Variants in CELSR1 observed in about 807,000 individuals in gnomAD.
CELSR1 encodes the protein cadherin EGF LAG seven-pass G-type receptor 1.
A neutral mutation model predicts 249.1 loss-of-function variants in CELSR1; 110 were observed. The ratio of observed to expected loss-of-function variants is 0.44; its 90% CI spans 0.38 to 0.52. The LOEUF is 0.52. Among genes scored for constraint, CELSR1 ranks in the 20% least tolerant of loss-of-function variants. CELSR1 has a pLI of 0.00. For synonymous variants in CELSR1, 2,113 were observed against 1,900.0 expected (o/e 1.11, Z -2.92); for missense variants, 4,109 against 4,296.4 (o/e 0.96, Z 1.22).
intron 1 of CELSR1, among the ~76,000 whole-genome samples, chr22:46,467,605 A>G (rs1046103339): frequency 2.0e-5 from 3 of 151,852 alleles, no homozygotes; most frequent in Non-Finnish European, 1.5e-5. Context: ...GGCAGATCAC[A>G]AGTTCAGGAG....
At chr22:46,523,229 T>C (rs2080703122) in intron 1 of CELSR1, among the ~76,000 whole-genome samples, 1 of 152,154 alleles carries the variant, frequency 6.6e-6, no homozygotes, top group African/African-American at 2.4e-5. Flanking sequence ...AAACAGACTA[T>C]TAAGAAAGAA....
chr22:46,370,101 A>G (rs1467294225), intron 25 of CELSR1: 1 of 512,658 alleles, frequency 2.0e-6, no homozygotes, highest in East Asian at 5.1e-5. Flanking sequence ...GGTGGCAGTG[A>G]GATGGTGCAG....
chr22:46,389,181 A>G (rs1310832163), intron 18 of CELSR1, 109 bp downstream of exon 18: 1 of 1,217,160 alleles, frequency 8.2e-7, no homozygotes, highest in Non-Finnish European at 1.2e-6. Flanking sequence ...GATCCTGGAC[A>G]CAACCGTCTT....
chr22:46,418,623 G>A (rs902877088), intron 5 of CELSR1, among the ~76,000 whole-genome samples: 2 of 152,212 alleles, frequency 1.3e-5, no homozygotes, highest in Non-Finnish European at 2.9e-5. Flanking sequence ...TCTTCTCCAG[G>A]AGCTAAGACG....
In CELSR1 at chr22:46,409,741, C is replaced by T. The variant is rs373046232; in HGVS notation, c.5059+14G>A. ...CCGCCGTGACCGGGGGGATGGACGACGCCGGCCACTCACCTTGCTCACAGT... is the reference window on the plus strand; with the variant it reads ...CCGCCGTGACCGGGGGGATGGACGATGCCGGCCACTCACCTTGCTCACAGT... On this transcript the variant is annotated intron_variant, in intron 8 of 34. Coordinates refer to ENST00000674500, the MANE Select transcript of CELSR1 (RefSeq NM_001378328.1). The surrounding 1 kb of genome is among the most constrained non-coding windows in gnomAD (Gnocchi z 9.8). 3.8e-5 allele frequency: 62 copies of T among 1,611,596 alleles called. No individual in the cohort carries two copies. Among genetic ancestry groups the T allele is most frequent in the Admixed American group, 1.0e-4 (6 of 60,012 alleles).
chr22:46,450,145 G>A (rs1203054706), intron 2 of CELSR1, among the ~76,000 whole-genome samples: 3 of 152,210 alleles, frequency 2.0e-5, no homozygotes, highest in African/African-American at 7.2e-5. Context: ...AATGGGTCAT[G>A]CACAGCAGTC....
In CELSR1 at chr22:46,534,569, C is replaced by A; in HGVS notation, c.2602G>T (p.Gly868Cys). Residue 868 changes from glycine (G) to cysteine (C), a missense_variant, in exon 1 of 35, where the codon GGC (glycine) becomes TGC (cysteine). By Grantham distance (159) the Gly-to-Cys change is radical. Around this residue, in one of 7 missense-constraint regions of CELSR1, gnomAD observed 886 missense variants for 896.5 expected, o/e 0.99. Transcript: ENST00000674500. This position sits in a 1 kb window ranked among gnomAD's most constrained non-coding sequence, Gnocchi z 9.7. ...GTGGTGTCTGATTTCTGCGGGATGC[C>A]GTTGTCCTGGGCCATGATGGTCAGC... ...YTLTIMAQDN[G>C]IPQKSDTTTL... is the part of the protein sequence containing the mutation. The A allele has an allele frequency of 6.2e-7, 1 of 1,613,690 alleles. No homozygotes were observed. Among genetic ancestry groups the A allele is most frequent in the Non-Finnish European group, 8.5e-7 (1 of 1,180,026 alleles).
chr22:46,378,767 A>G (rs1171869798), intron 22 of CELSR1, 50 bp from the exon 23 acceptor site: 5 of 1,582,838 alleles, frequency 3.2e-6, no homozygotes, highest in Admixed American at 1.7e-5. Context: ...CCCTCTGCCC[A>G]TGAGTCTGTA....
chr22:46,531,007 C>T (rs34128308), intron 1 of CELSR1, among the ~76,000 whole-genome samples: 6,973 of 152,232 alleles, frequency 0.046, 184 homozygotes, highest in South Asian at 0.1. Flanking sequence ...TTGAAACCAC[C>T]GCTTCCCCGC....
Position 46,445,737 on chromosome 22 carries a change from G to T in CELSR1, c.4184-6326C>A, listed in dbSNP as rs779171529. Among the ~76,000 whole-genome samples, 1 of 152,190 alleles carries T rather than the reference G, an allele frequency of 6.6e-6. No individual in the cohort carries two copies. The highest frequency in any genetic ancestry group is 2.4e-5 in the African/African-American group (1 of 41,452). On this transcript the variant is annotated intron_variant, in intron 2 of 34. Transcript: ENST00000674500. The surrounding 1 kb of genome is among the most constrained non-coding windows in gnomAD (Gnocchi z 4.4). ...CTAGCCTCTGCAAACCCGGTGCCCC[G>T]AGAGCAGCAGCGCCTGGCTGGCAGA...
At chr22:46,461,583 A>C (rs753380622) in intron 2 of CELSR1, among the ~76,000 whole-genome samples, 1 of 152,202 alleles carries the variant, frequency 6.6e-6, no homozygotes, top group Non-Finnish European at 1.5e-5. Context: ...ACAAAGCCAG[A>C]GGTGGTGGGT....
rs1223082627 is a variant in CELSR1 at position 46,526,295 on chromosome 22, T to A, written c.3544+7332A>T. Among the ~76,000 whole-genome samples the A allele has an allele frequency of 6.6e-6, 1 of 152,164 alleles. No individual in the cohort carries two copies. Among genetic ancestry groups the A allele is most frequent in the African/African-American group, 2.4e-5 (1 of 41,444 alleles). On this transcript the variant is annotated intron_variant, in intron 1 of 34. Transcript: ENST00000674500. The surrounding 1 kb of genome is among the most constrained non-coding windows in gnomAD (Gnocchi z 4.7). ...GGAGACAATGAGGAAGACCTGACAC[T>A]GCCCACTCCCAAAGCCCCTGAGACG...
In CELSR1 at chr22:46,512,963, C is replaced by T. The variant is rs2080589006; in HGVS notation, c.3544+20664G>A. Among the ~76,000 whole-genome samples, 2 of 152,242 alleles carry T rather than the reference C, an allele frequency of 1.3e-5. No homozygotes were observed. Among genetic ancestry groups the T allele is most frequent in the African/African-American group, 4.8e-5 (2 of 41,458 alleles). On this transcript the variant is annotated intron_variant, in intron 1 of 34. Coordinates refer to ENST00000674500, the MANE Select transcript of CELSR1 (RefSeq NM_001378328.1). This position sits in a 1 kb window ranked among gnomAD's most constrained non-coding sequence, Gnocchi z 5.2. ...CCAGGCTGGGCCTCTGTGCTACTCA[C>T]GCACTGCTGCTGACCTCATCTGTCC...
In CELSR1 at chr22:46,512,467, A is replaced by C. The variant is rs973908863; in HGVS notation, c.3544+21160T>G. Among the ~76,000 whole-genome samples the C allele has an allele frequency of 2.0e-5, 3 of 152,108 alleles. No individual in the cohort carries two copies. The highest frequency in any genetic ancestry group is 4.8e-5 in the African/African-American group (2 of 41,404). On this transcript the variant is annotated intron_variant, in intron 1 of 34. Coordinates refer to ENST00000674500, the MANE Select transcript of CELSR1 (RefSeq NM_001378328.1). The surrounding 1 kb of genome is among the most constrained non-coding windows in gnomAD (Gnocchi z 5.2). The stretch of plus-strand genomic sequence containing the variant: ...TACACCTATAATCCCAGCTACGTAG[A>C]AGGCTGAGGCACGAGAATTGCTTGA...
rs897663609 is a variant in CELSR1 at position 46,472,330 on chromosome 22, C to T, written c.3545-7985G>A. Among the ~76,000 whole-genome samples the T allele has an allele frequency of 6.6e-6, 1 of 152,194 alleles. No homozygotes were observed. Among genetic ancestry groups the T allele is most frequent in the African/African-American group, 2.4e-5 (1 of 41,448 alleles). ...GATAAAGGTTATCTGCAATTGTGTT[C>T]CCCATGGTGGGCTCATGCTGTGGGG... On this transcript the variant is annotated intron_variant, in intron 1 of 34. Coordinates refer to ENST00000674500, the MANE Select transcript of CELSR1 (RefSeq NM_001378328.1). This position sits in a 1 kb window ranked among gnomAD's most constrained non-coding sequence, Gnocchi z 7.0.
Position 46,397,735 on chromosome 22 carries a change from G to A in CELSR1, c.5640C>T (p.Pro1880=), listed in dbSNP as rs1282574751. ...CDVDDPCTSS[P]CPPNSRCHDA... ...CGTGGCAGCGGCTATTGGGGGGACA[G>A]GGGCTCGAGGTACAGGGGTCGTCCA... Residue 1880 remains proline (P), a synonymous_variant, in exon 12 of 35, where the codon CCC becomes CCT. Transcript: ENST00000674500. The A allele has an allele frequency of 6.3e-7, 1 of 1,590,692 alleles. No individual in the cohort carries two copies. The highest frequency in any genetic ancestry group is 1.3e-5 in the African/African-American group (1 of 74,392).
chr22:46,508,991 C>T (rs2080544767), intron 1 of CELSR1, among the ~76,000 whole-genome samples: 1 of 152,200 alleles, frequency 6.6e-6, no homozygotes, highest in Non-Finnish European at 1.5e-5. Context: ...CAACCAGTGG[C>T]CTCCATCTGG....
chr22:46,525,161 G>A (rs1384073597), intron 1 of CELSR1, among the ~76,000 whole-genome samples: 5 of 152,224 alleles, frequency 3.3e-5, no homozygotes, highest in Admixed American at 6.5e-5. Flanking sequence ...AAAGAGGGTC[G>A]TTTACGGCTG....
In CELSR1 at chr22:46,410,628, C is replaced by T. The variant is rs1041781474; in HGVS notation, c.4770-67G>A. ...GAGGCGGCCACGGCGGGCTGGGCTCCGCAGTTGCCTCTGTGTAGCCTCTAC... is the reference window on the plus strand; with the variant it reads ...GAGGCGGCCACGGCGGGCTGGGCTCTGCAGTTGCCTCTGTGTAGCCTCTAC... On this transcript the variant is annotated intron_variant, in intron 6 of 34. Transcript: ENST00000674500. The surrounding 1 kb of genome is among the most constrained non-coding windows in gnomAD (Gnocchi z 6.8). The T allele has an allele frequency of 5.2e-6, 8 of 1,550,418 alleles. No homozygotes were observed. The highest frequency in any genetic ancestry group is 1.1e-5 in the South Asian group (1 of 88,482).
Sources: allele counts gnomAD v4.1 joint callset (sites outside exome capture counted in the v4.1 genomes callset), GRCh38; gene constraint gnomAD v4.1.1; regional missense constraint gnomAD v4.1.1; non-coding constraint Gnocchi (gnomAD v3.1); transcripts MANE v1.5; gene names NCBI Gene and HGNC (gene_info 2026-07-23, HGNC 2026-07-21).